Variants in ARNT2 observed in about 807,000 individuals in gnomAD.
The protein encoded by ARNT2 is ARNT protein 2.
In ARNT2, 36 loss-of-function variants were observed where a neutral mutation model predicts 91.7. That is an observed-to-expected ratio of 0.39 (90% CI 0.30 to 0.52). The LOEUF is 0.52. Ranked by LOEUF, ARNT2 falls within the 20% of genes least tolerant of loss-of-function variation. The pLI, the probability that ARNT2 is intolerant of heterozygous loss-of-function variation, is 0.72. For synonymous variants in ARNT2, 365 were observed against 347.1 expected, an observed-to-expected ratio of 1.05 and a Z score of -0.57; for missense variants, 775 against 939.3, an observed-to-expected ratio of 0.83 and a Z score of 2.29.
chr15:80,466,992 GC>G (rs1896665029), intron 3 of ARNT2, among the ~76,000 whole-genome samples: 1 of 152,336 alleles, frequency 6.6e-6, no homozygotes, highest in Non-Finnish European at 1.5e-5. Flanking sequence ...TATTTATAAA[GC>G]AAGATGGTCT....
chr15:80,455,271 C>G (rs774836033), intron 2 of ARNT2, among the ~76,000 whole-genome samples: 2 of 152,152 alleles, frequency 1.3e-5, no homozygotes, highest in South Asian at 2.1e-4. Context: ...TTGAGTCATC[C>G]TGAGTATTTA....
intron 1 of ARNT2, among the ~76,000 whole-genome samples, chr15:80,411,319 C>T (rs1249368691): frequency 1.3e-5 from 2 of 152,178 alleles, no homozygotes; most frequent in East Asian, 1.9e-4. Flanking sequence ...AGCCCTGGCA[C>T]CTACCATATT....
chr15:80,437,525 T>A (rs1818992049), intron 1 of ARNT2, among the ~76,000 whole-genome samples: 2 of 152,240 alleles, frequency 1.3e-5, no homozygotes. Flanking sequence ...TCTTTCACAG[T>A]GTTGCCATGT....
intron 8 of ARNT2, chr15:80,550,972 A>G (rs1009777581): frequency 2.0e-5 from 10 of 496,196 alleles, no homozygotes; most frequent in Non-Finnish European, 3.6e-5. Context: ...TTTCCTCTGC[A>G]TCATCCACAG....
At chr15:80,509,477 A>AATC (rs1897314668) in intron 6 of ARNT2, among the ~76,000 whole-genome samples, 2 of 152,136 alleles carry the variant, frequency 1.3e-5, no homozygotes, top group African/African-American at 4.8e-5. Context: ...TAATAATAAT[A>AATC]ATAAAGCAAA....
At chr15:80,512,790 T>G (rs1334140938) in intron 6 of ARNT2, among the ~76,000 whole-genome samples, 1 of 152,224 alleles carries the variant, frequency 6.6e-6, no homozygotes, top group Non-Finnish European at 1.5e-5. Context: ...ATTCATGCAG[T>G]CCCTTCCCTG....
chr15:80,521,943 C>T (rs539077777), intron 8 of ARNT2, among the ~76,000 whole-genome samples: 2 of 152,272 alleles, frequency 1.3e-5, no homozygotes, highest in South Asian at 2.1e-4. Context: ...CATTACCATG[C>T]TCTGTCAATA....
intron 11 of ARNT2, chr15:80,560,216 T>A (rs1359217594): frequency 6.6e-6 from 1 of 152,312 alleles, no homozygotes; most frequent in Non-Finnish European, 1.5e-5. Context: ...TATCTACACA[T>A]TGATCCTTCA....
chr15:80,574,109 C>G, intron 12 of ARNT2, 39 bp from the exon 13 acceptor site: 2 of 1,592,736 alleles, frequency 1.3e-6, no homozygotes, highest in Non-Finnish European at 1.7e-6. Context: ...GTCACCCCTT[C>G]TGTTCTTCAT....
At chr15:80,498,830 C>G (rs1301408572) in intron 5 of ARNT2, among the ~76,000 whole-genome samples, 1 of 152,222 alleles carries the variant, frequency 6.6e-6, no homozygotes. Context: ...ACCTCCTGCC[C>G]CCTCACTGCC....
chr15:80,412,749 G>T (rs184953555), intron 1 of ARNT2, among the ~76,000 whole-genome samples: 1 of 152,296 alleles, frequency 6.6e-6, no homozygotes, highest in East Asian at 1.9e-4. Flanking sequence ...GTATATGAAT[G>T]AATATATGAA....
At chr15:80,590,541 C>G (rs1478085139) in intron 17 of ARNT2, among the ~76,000 whole-genome samples, 1 of 152,106 alleles carries the variant, frequency 6.6e-6, no homozygotes, top group Non-Finnish European at 1.5e-5. Context: ...AGTTTGAGAC[C>G]AACCTGGGCA....
At chr15:80,441,806 T>C (rs766057831) in intron 1 of ARNT2, among the ~76,000 whole-genome samples, 2 of 152,228 alleles carry the variant, frequency 1.3e-5, no homozygotes, top group Non-Finnish European at 2.9e-5. Context: ...GATGCTGCAT[T>C]ATAAGCCAGA....
Position 80,574,992 on chromosome 15 carries a change from C to G in ARNT2, c.1395C>G (p.Pro465=), listed in dbSNP as rs140722529. Reference sequence around the variant, plus strand: ...TTTATTTAATGTGCAAATAGGTCCCCGTCCCCAACCTACCAGCCGGTGTTC... The same window carrying G: ...TTTATTTAATGTGCAAATAGGTCCCGGTCCCCAACCTACCAGCCGGTGTTC... ...GLSSYDLSQV[P]VPNLPAGVHE... Residue 465 remains proline (P), a synonymous_variant, in exon 14 of 19, where the codon CCC becomes CCG. Coordinates refer to ENST00000303329, the MANE Select transcript of ARNT2 (RefSeq NM_014862.4). 6.2e-7 allele frequency: 1 copy of G among 1,613,980 alleles called. No individual in the cohort carries two copies.
At chr15:80,577,029 C>T (rs1898689318) in intron 15 of ARNT2, 64 bp downstream of exon 15, 2 of 1,504,306 alleles carry the variant, frequency 1.3e-6, no homozygotes, top group Non-Finnish European at 1.8e-6. Context: ...AGCCCTGGGT[C>T]TCAGAGCACA....
intron 18 of ARNT2, among the ~76,000 whole-genome samples, chr15:80,592,452 G>A (rs1167583740): frequency 5.3e-5 from 8 of 152,300 alleles, no homozygotes; most frequent in African/African-American, 1.7e-4. Flanking sequence ...CGTCCTGCAT[G>A]CCCCAGGCCT....
intron 5 of ARNT2, among the ~76,000 whole-genome samples, chr15:80,491,260 G>A (rs1451370224): frequency 6.6e-6 from 1 of 152,214 alleles, no homozygotes; most frequent in Non-Finnish European, 1.5e-5. Flanking sequence ...AGTTCCACAT[G>A]GCTGGGGAGG....
intron 1 of ARNT2, among the ~76,000 whole-genome samples, chr15:80,428,083 C>T (rs1895957691): frequency 1.3e-5 from 2 of 152,194 alleles, no homozygotes; most frequent in African/African-American, 4.8e-5. Flanking sequence ...CCTTGAACAC[C>T]ACTGCTCTTT....
chr15:80,539,168 G>A (rs1237980143), intron 8 of ARNT2, among the ~76,000 whole-genome samples: 2 of 152,104 alleles, frequency 1.3e-5, no homozygotes, highest in African/African-American at 2.4e-5. Flanking sequence ...AAGTTAGAAA[G>A]TAGACTGATT....
Sources: gnomAD v4.1 joint callset for allele counts (sites outside exome capture counted in the v4.1 genomes callset) on GRCh38, gnomAD v4.1.1 for gene constraint, MANE v1.5 for transcripts, NCBI Gene and HGNC (gene_info 2026-07-23, HGNC 2026-07-21) for gene names.